Variants in PPP2R2C observed in about 807,000 individuals in gnomAD.
The protein encoded by PPP2R2C is protein phosphatase 2, regulatory subunit B, gamma.
Under a neutral mutation model 45.3 loss-of-function variants are expected in PPP2R2C, and 10 were observed. The observed-to-expected ratio is 0.22, with a 90% CI of 0.14 to 0.37. The LOEUF (loss-of-function observed/expected upper bound fraction) is 0.37. Ranked by LOEUF, PPP2R2C falls within the 10% of genes least tolerant of loss-of-function variation. The pLI, the probability that PPP2R2C is intolerant of heterozygous loss-of-function variation, is 1.00. For missense variants in PPP2R2C, 308 were observed against 619.7 expected (o/e 0.50, Z 5.34); for synonymous variants, 257 against 245.4 (o/e 1.05, Z -0.44).
chr4:6,363,653 G>A (rs1000124714), intron 5 of PPP2R2C, among the ~76,000 whole-genome samples: 2 of 152,126 alleles, frequency 1.3e-5, no homozygotes, highest in African/African-American at 4.8e-5. Context: ...AGATGTCCAT[G>A]AACATGGATT....
At chr4:6,554,979 AAAGAGAAGAG>A (rs201861111) in intron 1 of PPP2R2C, among the ~76,000 whole-genome samples, 2 of 125,490 alleles carry the variant, frequency 1.6e-5, no homozygotes, top group African/African-American at 5.4e-5. Context: ...GAAAGAAAGA[AAAGAGAAGAG>A]AAGAGAAGAG....
intron 1 of PPP2R2C, among the ~76,000 whole-genome samples, chr4:6,555,143 T>C (rs1725352238): frequency 6.6e-6 from 1 of 152,074 alleles, no homozygotes; most frequent in South Asian, 2.1e-4. Context: ...ATGGTAGATA[T>C]CTGCCTCGGC....
intron 6 of PPP2R2C, among the ~76,000 whole-genome samples, chr4:6,342,088 ACACAC>A (rs1733492955): frequency 2.6e-5 from 1 of 38,460 alleles, no homozygotes; most frequent in Non-Finnish European, 4.9e-5. Context: ...CGATACACAC[ACACAC>A]ACACACACAC....
chr4:6,491,789 A>G (rs1577219053), intron 2 of PPP2R2C, among the ~76,000 whole-genome samples: 1 of 152,166 alleles, frequency 6.6e-6, no homozygotes, highest in Non-Finnish European at 1.5e-5. Context: ...GGCCATGTGA[A>G]TATGTGCCTA....
At chr4:6,532,588 C>T (rs1394687412) in intron 2 of PPP2R2C, among the ~76,000 whole-genome samples, 1 of 152,166 alleles carries the variant, frequency 6.6e-6, no homozygotes, top group African/African-American at 2.4e-5. Flanking sequence ...TTCCACTCTG[C>T]GTTTTTAAAA....
At chr4:6,355,833 A>G (rs1041702231) in intron 5 of PPP2R2C, among the ~76,000 whole-genome samples, 3 of 97,794 alleles carry the variant, frequency 3.1e-5, no homozygotes, top group African/African-American at 8.1e-5. Context: ...TCTACTAAAA[A>G]TACAAAAAAA....
At chr4:6,425,565 C>T (rs771971922) in intron 1 of PPP2R2C, among the ~76,000 whole-genome samples, 6 of 152,224 alleles carry the variant, frequency 3.9e-5, no homozygotes, top group Admixed American at 3.3e-4. Context: ...TCCCCCATGA[C>T]GTGTGAACCT....
intron 1 of PPP2R2C, chr4:6,420,923 A>C: frequency 1.0e-6 from 1 of 984,726 alleles, no homozygotes. Flanking sequence ...TCTGCTTACC[A>C]AGCCTCCTCC....
chr4:6,549,280 T>C (rs1022993659), intron 1 of PPP2R2C, among the ~76,000 whole-genome samples: 3 of 151,134 alleles, frequency 2.0e-5, no homozygotes, highest in Non-Finnish European at 2.9e-5. Context: ...CCCCCACCCT[T>C]CCCACTCTCT....
intron 6 of PPP2R2C, among the ~76,000 whole-genome samples, chr4:6,336,258 C>T (rs571971283): frequency 5.4e-4 from 82 of 152,176 alleles, no homozygotes; most frequent in South Asian, 1.7e-3. Context: ...CTCCCTCCAT[C>T]GTTCACAGGG....
intron 1 of PPP2R2C, among the ~76,000 whole-genome samples, chr4:6,448,881 G>A (rs1029957903): frequency 1.3e-4 from 20 of 152,178 alleles, no homozygotes; most frequent in Admixed American, 1.3e-4. Flanking sequence ...AACTCCGGGC[G>A]GGGGCTGACC....
chr4:6,515,596 C>T (rs1183866177), intron 2 of PPP2R2C, among the ~76,000 whole-genome samples: 3 of 152,250 alleles, frequency 2.0e-5, no homozygotes, highest in African/African-American at 7.2e-5. Context: ...AACGTGCTTA[C>T]AAGAATGCCT....
chr4:6,477,714 G>A (rs1722210259), intron 2 of PPP2R2C, among the ~76,000 whole-genome samples: 1 of 134,662 alleles, frequency 7.4e-6, no homozygotes, highest in Non-Finnish European at 1.5e-5. Flanking sequence ...CTGGGCGACA[G>A]AGCGAGACTC....
At chr4:6,511,481 C>T (rs1229952254) in intron 2 of PPP2R2C, among the ~76,000 whole-genome samples, 11 of 15,732 alleles carry the variant, frequency 7.0e-4, no homozygotes, top group African/African-American at 9.2e-4. Flanking sequence ...GTGGTGATGG[C>T]GGTGTTGGTG....
At chr4:6,516,336 A>G (rs1723828690) in intron 2 of PPP2R2C, among the ~76,000 whole-genome samples, 1 of 152,216 alleles carries the variant, frequency 6.6e-6, no homozygotes, top group Non-Finnish European at 1.5e-5. Flanking sequence ...GATGATGACA[A>G]GGACTGTGTG....
rs748903409 is a variant in PPP2R2C, at chr4:6,323,444, C to T, written c.1202G>A (p.Arg401His). 2.0e-5 allele frequency: 32 copies of T among 1,613,394 alleles called. No homozygotes were observed. The highest frequency in any genetic ancestry group is 2.3e-5 in the Non-Finnish European group (27 of 1,179,462). ...RRVCVGGKRR[R>H]DDISVDSLDF... ...CAAGCTGTCCACACTGATGTCATCA[C>T]GCCGGCGCTTGCCCCCCACGCACAC... is the stretch of plus-strand genomic sequence containing the variant. Residue 401 changes from arginine (R) to histidine (H), a missense_variant, in exon 9 of 9, where the codon CGT becomes CAT. Physicochemically the swap from Arg to His is conservative, Grantham distance 29. Coordinates refer to ENST00000382599, the MANE Select transcript of PPP2R2C (RefSeq NM_020416.4).
chr4:6,377,367 G>A (rs1178074570), intron 3 of PPP2R2C, among the ~76,000 whole-genome samples: 1 of 152,126 alleles, frequency 6.6e-6, no homozygotes, highest in African/African-American at 2.4e-5. Flanking sequence ...GAATCCAGGT[G>A]TGTCCTGGCT....
At chr4:6,419,963 A>G (rs1718854040) in intron 1 of PPP2R2C, among the ~76,000 whole-genome samples, 1 of 152,242 alleles carries the variant, frequency 6.6e-6, no homozygotes, top group South Asian at 2.1e-4. Context: ...GACATACACA[A>G]GAACCCTATT....
chr4:6,447,705 G>A (rs1180178858), intron 1 of PPP2R2C, among the ~76,000 whole-genome samples: 4 of 152,088 alleles, frequency 2.6e-5, no homozygotes, highest in Non-Finnish European at 5.9e-5. Context: ...GAGGCTCCAA[G>A]CTTGGCAGGG....
Sources: gnomAD v4.1 joint callset for allele counts (sites outside exome capture counted in the v4.1 genomes callset) on GRCh38, gnomAD v4.1.1 for gene constraint, MANE v1.5 for transcripts, NCBI Gene and HGNC (gene_info 2026-07-23, HGNC 2026-07-21) for gene names.